The following GFPT1 variants were observed in gnomAD, a reference collection of about 807,000 sequenced individuals.
The protein encoded by GFPT1 is glutamine--fructose-6-phosphate transaminase 1.
Under a neutral mutation model 92.0 loss-of-function variants are expected in GFPT1, and 40 were observed. The ratio of observed to expected loss-of-function variants is 0.43; its 90% CI spans 0.34 to 0.57. GFPT1 has a LOEUF of 0.57. Among genes scored for constraint, GFPT1 ranks in the 20% least tolerant of loss-of-function variants. The pLI, the probability that GFPT1 is intolerant of heterozygous loss-of-function variation, is 0.02. For synonymous variants in GFPT1, 269 were observed against 280.6 expected, an observed-to-expected ratio of 0.96 and a Z score of 0.41; for missense variants, 448 against 869.1, an observed-to-expected ratio of 0.52 and a Z score of 6.09.
chr2:69,352,235 C>G (rs1432003979), intron 9 of GFPT1, among the ~76,000 whole-genome samples: 1 of 151,966 alleles, frequency 6.6e-6, no homozygotes, highest in Non-Finnish European at 1.5e-5. Flanking sequence ...TGCACTCCAG[C>G]CTGGGTGACA....
At chr2:69,348,112 AAGT>A in intron 11 of GFPT1, 56 bp downstream of exon 11, 1 of 1,269,110 alleles carries the variant, frequency 7.9e-7, no homozygotes, top group East Asian at 2.3e-5. Context: ...CTAGGAAAGG[AAGT>A]AGAATATATT....
At chr2:69,338,778 A>G (rs534911192) in intron 13 of GFPT1, among the ~76,000 whole-genome samples, 50 of 151,140 alleles carry the variant, frequency 3.3e-4, no homozygotes, top group African/African-American at 1.2e-3. Flanking sequence ...CAGTCTCTTT[A>G]GACAACTATC....
chr2:69,377,375 GCA>G (rs1671898743), intron 1 of GFPT1, among the ~76,000 whole-genome samples: 1 of 151,764 alleles, frequency 6.6e-6, no homozygotes, highest in South Asian at 2.1e-4. Flanking sequence ...TTTTGGCTGG[GCA>G]CAGTGGCTCA....
rs753180398 is a variant in GFPT1, at chr2:69,387,058, C to A, written c.7+7G>T. On this transcript the variant is annotated splice_region_variant and intron_variant, in intron 1 of 19. Coordinates refer to ENST00000357308, the MANE Select transcript of GFPT1 (RefSeq NM_001244710.2). Reference sequence around the variant, plus strand: ...GGCAACACGCCCCCCGCTCCCGGCCCCCTTACCACACATGATGCCGGAGAC... The same window carrying A: ...GGCAACACGCCCCCCGCTCCCGGCCACCTTACCACACATGATGCCGGAGAC... 3.3e-6 allele frequency: 5 copies of A among 1,535,028 alleles called. No homozygotes were observed. In the South Asian group the frequency reaches 5.9e-5, roughly 18 times the overall value.
At position 69,329,012 on chromosome 2, in the gene GFPT1, A is replaced by C. The variant is rs55885494; in HGVS notation, c.1725+285T>G. 0.13 allele frequency among the ~76,000 whole-genome samples: 19,452 copies of C among 152,126 alleles called. 1,401 individuals are homozygous for C. Among genetic ancestry groups the C allele is most frequent in the Non-Finnish European group, 0.16 (10,856 of 67,980 alleles). Reference sequence around the variant, plus strand: ...GAGCCACTGTGCCCAGCTTGACCTCAATTAAATTTCTTATCTAGAGAACTT... The same window carrying C: ...GAGCCACTGTGCCCAGCTTGACCTCCATTAAATTTCTTATCTAGAGAACTT... On this transcript the variant is annotated intron_variant, in intron 17 of 19. Transcript: ENST00000357308.
chr2:69,343,414 CTT>C (rs113621682), intron 12 of GFPT1, among the ~76,000 whole-genome samples: 3 of 143,556 alleles, frequency 2.1e-5, no homozygotes, highest in Non-Finnish European at 1.5e-5. Flanking sequence ...ATCTCCTCAC[CTT>C]TTTTTTTTTT....
chr2:69,354,958 C>G (rs761198194), intron 7 of GFPT1, among the ~76,000 whole-genome samples: 1 of 152,122 alleles, frequency 6.6e-6, no homozygotes, highest in Non-Finnish European at 1.5e-5. Flanking sequence ...GAGCCAAGAT[C>G]GCGCCACTGC....
At chr2:69,373,984 C>A (rs1671811889) in intron 2 of GFPT1, 22 bp downstream of exon 2, 1 of 1,042,142 alleles carries the variant, frequency 9.6e-7, no homozygotes, top group South Asian at 1.3e-5. Context: ...ATGCAAAATC[C>A]ATAGTATTTT....
chr2:69,375,436 A>C, intron 1 of GFPT1, among the ~76,000 whole-genome samples: 1 of 152,184 alleles, frequency 6.6e-6, no homozygotes, highest in East Asian at 1.9e-4. Context: ...CATTGTTGAT[A>C]CCCAACAGGA....
At chr2:69,363,447 T>G (rs1671523792) in intron 4 of GFPT1, 98 bp downstream of exon 4, 3 of 1,288,942 alleles carry the variant, frequency 2.3e-6, no homozygotes, top group Admixed American at 1.8e-5. Flanking sequence ...ATTTTCCAGA[T>G]GAAAAATTAT....
At chr2:69,339,519 C>A (rs1242356910) in intron 13 of GFPT1, among the ~76,000 whole-genome samples, 1 of 152,106 alleles carries the variant, frequency 6.6e-6, no homozygotes, top group Non-Finnish European at 1.5e-5. Flanking sequence ...GAAAAATTAT[C>A]TTTTAGGCAG....
chr2:69,363,533 AT>A lies in GFPT1; in HGVS notation c.349+11del, dbSNP rs748129188. 5.6e-6 allele frequency: 9 copies of A among 1,613,798 alleles called. No individual in the cohort carries two copies. The highest frequency in any genetic ancestry group is 5.9e-6 in the Non-Finnish European group (7 of 1,179,724). On this transcript the variant is annotated intron_variant, in intron 4 of 19. Transcript: ENST00000357308. Reference sequence around the variant, plus strand: ...CCACAATCATTCCAAAGCACAAAAAATCTTTCCATACCATTATTTTTATCAG... The same window carrying A: ...CCACAATCATTCCAAAGCACAAAAAACTTTCCATACCATTATTTTTATCAG...
chr2:69,356,417 G>A (rs536899668), intron 7 of GFPT1, 79 bp downstream of exon 7: 13 of 954,234 alleles, frequency 1.4e-5, no homozygotes, highest in South Asian at 1.2e-4. Flanking sequence ...ATAATAAAGG[G>A]TCATGTATAG....
intron 1 of GFPT1, among the ~76,000 whole-genome samples, chr2:69,386,429 A>G (rs566739105): frequency 1.6e-4 from 24 of 152,332 alleles, no homozygotes; most frequent in African/African-American, 5.3e-4. Flanking sequence ...CAAATGATAA[A>G]TTATGTATAA....
intron 1 of GFPT1, among the ~76,000 whole-genome samples, chr2:69,384,725 A>T (rs1346816556): frequency 6.7e-6 from 1 of 150,284 alleles, no homozygotes; most frequent in East Asian, 1.9e-4. Context: ...AAAAAGAAAG[A>T]AAGAAAAGAA....
At position 69,350,112 on chromosome 2, in the gene GFPT1, T is replaced by C; in HGVS notation, c.811A>G (p.Lys271Glu). The change falls in exon 10 of 20, where the codon AAA becomes GAA. Residue 271 changes from lysine (K) to glutamate (E), a missense_variant. By Grantham distance (56) the Lys-to-Glu change is moderately conservative (BLOSUM62 1). Transcript: ENST00000357308. ...STTCLFPVEE[K>E]AVEYYFASDA... ...GAAGCAAAGTAATACTCCACTGCTT[T>C]TTCTTCCACCGGGAAAAGGCAGGTT... 1.2e-6 allele frequency: 2 copies of C among 1,613,968 alleles called. No individual in the cohort carries two copies. Among genetic ancestry groups the C allele is most frequent in the Non-Finnish European group, 1.7e-6 (2 of 1,179,838 alleles).
chr2:69,347,522 G>A (rs2104634432), intron 11 of GFPT1, among the ~76,000 whole-genome samples: 1 of 148,852 alleles, frequency 6.7e-6, no homozygotes, highest in Middle Eastern at 3.5e-3. Context: ...TTGTTGCCAA[G>A]GCTGGAGTGC....
At chr2:69,338,826 A>C (rs1574051410) in intron 13 of GFPT1, among the ~76,000 whole-genome samples, 1 of 122,944 alleles carries the variant, frequency 8.1e-6, no homozygotes, top group Non-Finnish European at 1.6e-5. Flanking sequence ...TTTGAGACGG[A>C]GTCTCGCTCT....
intron 9 of GFPT1, among the ~76,000 whole-genome samples, chr2:69,350,629 A>T (rs80092000): frequency 6.6e-6 from 1 of 152,218 alleles, no homozygotes; most frequent in East Asian, 1.9e-4. Flanking sequence ...TAAAATGAAC[A>T]CAGGGGCTCA....
Sources: allele counts gnomAD v4.1 joint callset (sites outside exome capture counted in the v4.1 genomes callset), GRCh38; gene constraint gnomAD v4.1.1; transcripts MANE v1.5; gene names NCBI Gene and HGNC (gene_info 2026-07-23, HGNC 2026-07-21).